MROH9: variants seen among roughly 807,000 people sequenced by gnomAD.
MROH9 encodes maestro heat-like repeat-containing protein family member 9.
Under a neutral mutation model 98.2 loss-of-function variants are expected in MROH9, and 92 were observed. That is an observed-to-expected ratio of 0.94 (90% CI 0.79 to 1.11). The LOEUF is 1.11. Ranked by LOEUF, MROH9 falls within the 50% of genes most tolerant of loss-of-function variation. The probability of loss-of-function intolerance (pLI) is 0.00; values close to 1 mark genes in which losing one functional copy is unlikely to be tolerated. For synonymous variants in MROH9, 397 were observed against 368.9 expected, an observed-to-expected ratio of 1.08 and a Z score of -0.87; for missense variants, 1,057 against 1,014.8, an observed-to-expected ratio of 1.04 and a Z score of -0.57.
At chr1:171,063,993 G>A (rs1654091101) in intron 21 of MROH9, 106 bp from the exon 22 acceptor site, 3 of 1,128,948 alleles carry the variant, frequency 2.7e-6, no homozygotes, top group Non-Finnish European at 3.7e-6. Context: ...AGGAGAGATG[G>A]AGAGAAGGGG....
chr1:170,969,512 T>C (rs1448724158), intron 7 of MROH9, among the ~76,000 whole-genome samples: 1 of 152,200 alleles, frequency 6.6e-6, no homozygotes, highest in Non-Finnish European at 1.5e-5. Flanking sequence ...GAGAGAATTG[T>C]GGCGAAGTGG....
intron 10 of MROH9, among the ~76,000 whole-genome samples, chr1:170,988,998 G>A (rs1297547718): frequency 6.6e-6 from 1 of 152,004 alleles, no homozygotes; most frequent in African/African-American, 2.4e-5. Flanking sequence ...GAACCTACGT[G>A]GTTGGAAAAG....
At chr1:170,957,803 T>TG (rs199821479) in intron 3 of MROH9, among the ~76,000 whole-genome samples, 7,329 of 148,096 alleles carry the variant, frequency 0.049, 285 homozygotes, top group Middle Eastern at 0.11. Flanking sequence ...TTGTTTTTTT[T>TG]TTTTTTGTTT....
At chr1:171,021,006 C>A (rs1382573085) in intron 17 of MROH9, among the ~76,000 whole-genome samples, 1 of 152,050 alleles carries the variant, frequency 6.6e-6, no homozygotes, top group Non-Finnish European at 1.5e-5. Flanking sequence ...AACACTCATT[C>A]GCAATTGCTA....
chr1:171,011,315 G>T (rs1652148997), intron 15 of MROH9, among the ~76,000 whole-genome samples: 1 of 152,154 alleles, frequency 6.6e-6, no homozygotes. Flanking sequence ...TATTCACATA[G>T]CACCAAATTA....
chr1:170,978,157 G>C (rs1650789054), intron 8 of MROH9, among the ~76,000 whole-genome samples: 1 of 152,138 alleles, frequency 6.6e-6, no homozygotes, highest in Non-Finnish European at 1.5e-5. Context: ...AGCCAGTAGG[G>C]TGGGACAGCT....
Position 171,058,230 on chromosome 1 carries a change from C to T in MROH9, c.2282-3902C>T, listed in dbSNP as rs1461070568. 2.6e-5 allele frequency among the ~76,000 whole-genome samples: 4 copies of T among 151,914 alleles called. No homozygotes were observed. The East Asian group carries it at 7.8e-4, about 29-fold the overall frequency. On this transcript the variant is annotated intron_variant, in intron 20 of 21. Transcript: ENST00000367759. ...CAGAGAGCCAAATTATGAATAAATC[C>T]CCATTCACAATCACTACAAAGAGAA...
chr1:171,012,498 C>CCT, intron 15 of MROH9, among the ~76,000 whole-genome samples: 1 of 133,558 alleles, frequency 7.5e-6, no homozygotes, highest in South Asian at 2.3e-4. Context: ...ATAAAACTGT[C>CCT]ATTTTTTTTT....
intron 16 of MROH9, among the ~76,000 whole-genome samples, chr1:171,015,625 C>T (rs919334149): frequency 1.3e-5 from 2 of 152,054 alleles, no homozygotes; most frequent in East Asian, 3.8e-4. Flanking sequence ...CCATGACCTG[C>T]CTGAGTGTCT....
intron 6 of MROH9, 70 bp from the exon 7 acceptor site, chr1:170,965,081 A>T: frequency 9.5e-7 from 1 of 1,049,454 alleles, no homozygotes. Flanking sequence ...GGTGAAGTTG[A>T]AGAATAGAGG....
chr1:171,006,812 T>A (rs1348646009), intron 15 of MROH9, among the ~76,000 whole-genome samples: 1 of 141,518 alleles, frequency 7.1e-6, no homozygotes, highest in Non-Finnish European at 1.6e-5. Flanking sequence ...CCAGGGTTTC[T>A]GTTTTGTTAT....
intron 7 of MROH9, among the ~76,000 whole-genome samples, chr1:170,967,012 T>C (rs575268335): frequency 6.6e-6 from 1 of 152,194 alleles, no homozygotes; most frequent in Non-Finnish European, 1.5e-5. Flanking sequence ...AAGTAGCAGA[T>C]AGGCATTTTG....
At chr1:171,042,345 T>G (rs1472112441) in intron 20 of MROH9, among the ~76,000 whole-genome samples, 1 of 152,092 alleles carries the variant, frequency 6.6e-6, no homozygotes, top group Non-Finnish European at 1.5e-5. Flanking sequence ...TGAATGGTAT[T>G]CCATTGTGTA....
rs545637531 is a variant in MROH9 at position 171,029,631 on chromosome 1, G to A, written c.2281+4211G>A. Among the ~76,000 whole-genome samples, 12 of 152,234 alleles carry A rather than the reference G, an allele frequency of 7.9e-5. 1 individual carries two copies. In the South Asian group the frequency reaches 1.5e-3, roughly 18 times the overall value. On this transcript the variant is annotated intron_variant, in intron 20 of 21. Transcript: ENST00000367759. The stretch of plus-strand genomic sequence containing the variant: ...GCATATGTTGAATCAGCCTTGCATC[G>A]CAGGGATGACGCTGAACCGATCGTG...
At chr1:170,958,586 TTAA>T (rs1261822102) in intron 4 of MROH9, 46 bp downstream of exon 4, 2 of 1,231,944 alleles carry the variant, frequency 1.6e-6, no homozygotes, top group African/African-American at 4.7e-5. Flanking sequence ...TTGGATGCAT[TTAA>T]AATGTTATAT....
intron 3 of MROH9, among the ~76,000 whole-genome samples, 177 bp downstream of exon 3, chr1:170,947,750 G>A (rs1016684932): frequency 4.6e-5 from 7 of 151,920 alleles, no homozygotes; most frequent in Non-Finnish European, 7.4e-5. Flanking sequence ...TCCCTGCAGC[G>A]TCATTTCTTC....
At chr1:170,963,384 G>A (rs188475982) in intron 6 of MROH9, among the ~76,000 whole-genome samples, 16 of 152,238 alleles carry the variant, frequency 1.1e-4, no homozygotes, top group African/African-American at 3.1e-4. Flanking sequence ...GTTGGTGGGA[G>A]TGTAAATTAG....
chr1:170,948,957 T>A (rs1233785578), intron 3 of MROH9, among the ~76,000 whole-genome samples: 2 of 152,074 alleles, frequency 1.3e-5, no homozygotes, highest in Non-Finnish European at 2.9e-5. Context: ...GCTCTTTGGA[T>A]CAATACTTGG....
intron 3 of MROH9, among the ~76,000 whole-genome samples, chr1:170,951,655 T>A (rs1649557132): frequency 6.6e-6 from 1 of 152,132 alleles, no homozygotes; most frequent in Non-Finnish European, 1.5e-5. Context: ...AGACACCTCC[T>A]AGCTGAAGAT....
Sources: gnomAD v4.1 joint callset for allele counts (sites outside exome capture counted in the v4.1 genomes callset) on GRCh38, gnomAD v4.1.1 for gene constraint, MANE v1.5 for transcripts, NCBI Gene and HGNC (gene_info 2026-07-23, HGNC 2026-07-21) for gene names.